Variants in TTC17 observed in about 807,000 individuals in gnomAD.
TTC17 encodes the protein tetratricopeptide repeat domain 17, also known as tetratricopeptide repeat protein 17.
In TTC17, 58 loss-of-function variants were observed where a neutral mutation model predicts 143.8. That is an observed-to-expected ratio of 0.40 (90% CI 0.33 to 0.50). TTC17 has a LOEUF of 0.50. Among genes scored for constraint, TTC17 ranks in the 20% least tolerant of loss-of-function variants. TTC17 has a pLI of 0.49. For missense variants in TTC17, 1,273 were observed against 1,392.5 expected (o/e 0.91, Z 1.37); for synonymous variants, 501 against 497.8 (o/e 1.01, Z -0.09).
intron 1 of TTC17, among the ~76,000 whole-genome samples, chr11:43,373,901 G>A (rs972025192): frequency 3.9e-5 from 6 of 152,198 alleles, no homozygotes; most frequent in African/African-American, 1.4e-4. Flanking sequence ...AAGATGATCT[G>A]TTTAAAGCCA....
chr11:43,370,142 C>G (rs184400888), intron 1 of TTC17: 1 of 453,402 alleles, frequency 2.2e-6, no homozygotes, highest in Non-Finnish European at 4.4e-6. Flanking sequence ...TTTTTGCGAA[C>G]CTGTACTTCT....
chr11:43,460,268 C>G (rs1334483717), intron 21 of TTC17, among the ~76,000 whole-genome samples: 1 of 152,158 alleles, frequency 6.6e-6, no homozygotes, highest in Non-Finnish European at 1.5e-5. Context: ...TACCTTTCTA[C>G]AGGTGTTTTT....
At chr11:43,468,758 G>C (rs1028447598) in intron 21 of TTC17, among the ~76,000 whole-genome samples, 4 of 152,012 alleles carry the variant, frequency 2.6e-5, no homozygotes, top group African/African-American at 9.7e-5. Context: ...AACATAGCAA[G>C]ACCCCATCTC....
chr11:43,368,915 G>A (rs1856455333), intron 1 of TTC17, among the ~76,000 whole-genome samples: 2 of 152,180 alleles, frequency 1.3e-5, no homozygotes, highest in African/African-American at 4.8e-5. Context: ...CAGCCCTCGG[G>A]ATGTTCTTCA....
At chr11:43,413,570 A>G (rs2134619608) in intron 15 of TTC17, among the ~76,000 whole-genome samples, 1 of 152,222 alleles carries the variant, frequency 6.6e-6, no homozygotes, top group Admixed American at 6.5e-5. Flanking sequence ...TTTGCAATAA[A>G]TATTTTCAAC....
intron 1 of TTC17, among the ~76,000 whole-genome samples, chr11:43,364,945 A>G (rs960457562): frequency 6.6e-6 from 1 of 152,038 alleles, no homozygotes; most frequent in Non-Finnish European, 1.5e-5. Context: ...AGCTGGGATT[A>G]TAGGCATGTA....
At chr11:43,464,409 C>G (rs1947931258) in intron 21 of TTC17, among the ~76,000 whole-genome samples, 1 of 152,020 alleles carries the variant, frequency 6.6e-6, no homozygotes, top group Non-Finnish European at 1.5e-5. Context: ...GGGAATTTCC[C>G]TGTAACTTGG....
At chr11:43,431,346 G>A (rs1947154467) in intron 16 of TTC17, among the ~76,000 whole-genome samples, 1 of 152,114 alleles carries the variant, frequency 6.6e-6, no homozygotes, top group Non-Finnish European at 1.5e-5. Context: ...AGGAATCACC[G>A]CATTGTCTTC....
At chr11:43,489,565 C>G (rs1168460928) in intron 21 of TTC17, among the ~76,000 whole-genome samples, 1 of 152,042 alleles carries the variant, frequency 6.6e-6, no homozygotes, top group Non-Finnish European at 1.5e-5. Context: ...TGGTGAAACT[C>G]TATCTCTACT....
chr11:43,483,058 C>G (rs1042647740), intron 21 of TTC17, among the ~76,000 whole-genome samples: 6 of 152,022 alleles, frequency 3.9e-5, no homozygotes, highest in African/African-American at 1.4e-4. Context: ...CATATAATTG[C>G]AACTTTATGC....
chr11:43,472,885 A>C (rs907098553), intron 21 of TTC17, among the ~76,000 whole-genome samples: 3 of 151,970 alleles, frequency 2.0e-5, no homozygotes, highest in African/African-American at 7.2e-5. Flanking sequence ...AGAGATAGTA[A>C]ATCTCCAGTC....
intron 1 of TTC17, among the ~76,000 whole-genome samples, chr11:43,378,119 T>TCTCAA (rs1010136887): frequency 1.4e-4 from 21 of 152,240 alleles, no homozygotes; most frequent in African/African-American, 5.1e-4. Flanking sequence ...GGCAGGCTGG[T>TCTCAA]CTCAAACTTT....
chr11:43,486,636 A>G (rs569213307), intron 21 of TTC17, among the ~76,000 whole-genome samples: 1 of 152,334 alleles, frequency 6.6e-6, no homozygotes, highest in African/African-American at 2.4e-5. Flanking sequence ...AAGTAAATAC[A>G]AGTTCCATTT....
At chr11:43,395,623 A>T (rs1259836110) in intron 5 of TTC17, 1 of 152,222 alleles carries the variant, frequency 6.6e-6, no homozygotes, top group African/African-American at 2.4e-5. Context: ...ATAGTGTTAA[A>T]ATCTGTAATT....
In TTC17 at chr11:43,444,136, G is replaced by A; in HGVS notation, c.2592G>A (p.Gln864=). Residue 864 remains glutamine, a synonymous_variant, in exon 18 of 24, where the codon CAG becomes CAA. Coordinates refer to ENST00000039989, the MANE Select transcript of TTC17 (RefSeq NM_018259.6). Reference sequence around the variant, plus strand: ...CTGGGAAAAAAGTAGAAACAGGTCAGATAGAAAATGGACATCGTTACCAAG... The same window carrying A: ...CTGGGAAAAAAGTAGAAACAGGTCAAATAGAAAATGGACATCGTTACCAAG... The part of the protein sequence containing the change: ...KTPGKKVETG[Q]IENGHRYQAN... 1.1e-5 allele frequency: 18 copies of A among 1,613,394 alleles called. No homozygotes were observed. The highest frequency in any genetic ancestry group is 1.5e-5 in the Non-Finnish European group (18 of 1,179,652).
intron 21 of TTC17, among the ~76,000 whole-genome samples, chr11:43,459,524 C>T (rs1947825332): frequency 6.6e-6 from 1 of 152,188 alleles, no homozygotes; most frequent in African/African-American, 2.4e-5. Flanking sequence ...CCACTCACTC[C>T]ACCAGAGAGA....
chr11:43,366,148 A>G (rs1856333488), intron 1 of TTC17, among the ~76,000 whole-genome samples: 1 of 151,790 alleles, frequency 6.6e-6, no homozygotes, highest in African/African-American at 2.4e-5. Context: ...AGTTGTCTTT[A>G]ATTCCTTAGT....
intron 15 of TTC17, among the ~76,000 whole-genome samples, chr11:43,410,567 A>G (rs1473140153): frequency 1.3e-5 from 2 of 152,182 alleles, no homozygotes; most frequent in East Asian, 1.9e-4. Context: ...TCATATTTAC[A>G]CGGATATCCA....
chr11:43,446,714 A>G lies in TTC17; in HGVS notation c.2666-1288A>G, dbSNP rs183219570. Reference sequence around the variant, plus strand: ...ATTCCTATAATATAAAAAGCGCTATACAGAACTAAAGTTCTCCTTCCTGCC... The same window carrying G: ...ATTCCTATAATATAAAAAGCGCTATGCAGAACTAAAGTTCTCCTTCCTGCC... On this transcript the variant is annotated intron_variant, in intron 18 of 23. Transcript: ENST00000039989. 17 of 977,878 alleles carry G rather than the reference A, an allele frequency of 1.7e-5. No individual in the cohort carries two copies. In the East Asian group the frequency reaches 1.8e-3, roughly 105 times the overall value. 60.6% of individuals were successfully genotyped at this position (977,878 alleles called of 1,614,324 possible).
Sources: allele counts gnomAD v4.1 joint callset (sites outside exome capture counted in the v4.1 genomes callset), GRCh38; gene constraint gnomAD v4.1.1; transcripts MANE v1.5; gene names NCBI Gene and HGNC (gene_info 2026-07-23, HGNC 2026-07-21).